Variants in TRDN observed in about 807,000 individuals in gnomAD.
TRDN encodes triadin in skeletal muscle.
A neutral mutation model predicts 149.7 loss-of-function variants in TRDN; 161 were observed. The observed-to-expected ratio is 1.08, with a 90% CI of 0.95 to 1.23. The LOEUF is 1.23. Ranked by LOEUF, TRDN falls within the 50% of genes most tolerant of loss-of-function variation. The pLI is 0.00. For missense variants in TRDN, 896 were observed against 823.5 expected (o/e 1.09, Z -1.08); for synonymous variants, 294 against 250.5 (o/e 1.17, Z -1.64).
intron 38 of TRDN, among the ~76,000 whole-genome samples, chr6:123,225,731 A>C (rs1039360605): frequency 6.6e-6 from 1 of 151,780 alleles, no homozygotes; most frequent in Non-Finnish European, 1.5e-5. Context: ...CTACATTTGA[A>C]CTAAAGCTCA....
chr6:123,612,019 A>C (rs1784839094), intron 1 of TRDN, among the ~76,000 whole-genome samples: 1 of 152,004 alleles, frequency 6.6e-6, no homozygotes, highest in Non-Finnish European at 1.5e-5. Context: ...AAAGCTAAGA[A>C]CGATGTTCAA....
intron 1 of TRDN, among the ~76,000 whole-genome samples, chr6:123,573,932 T>G (rs958744188): frequency 2.6e-5 from 4 of 151,986 alleles, no homozygotes; most frequent in Non-Finnish European, 5.9e-5. Flanking sequence ...AATACTTTAG[T>G]TAATAAAGTC....
chr6:123,316,315 T>C (rs1261272695), intron 24 of TRDN, 142 bp downstream of exon 24: 17 of 770,168 alleles, frequency 2.2e-5, no homozygotes, highest in Middle Eastern at 3.6e-4. Flanking sequence ...TTGTAAAATA[T>C]ATGGCACATA....
chr6:123,382,812 CTAT>C (rs1488537339), intron 14 of TRDN, among the ~76,000 whole-genome samples: 5 of 151,804 alleles, frequency 3.3e-5, no homozygotes, highest in Admixed American at 3.3e-4. Context: ...TTATTATTTT[CTAT>C]TATTTAGGCC....
chr6:123,635,182 A>G (rs76546052), intron 1 of TRDN, among the ~76,000 whole-genome samples: 1,664 of 152,156 alleles, frequency 0.011, 23 homozygotes, highest in African/African-American at 0.037. Flanking sequence ...AAGTTTTTAT[A>G]CATAGCTTTC....
At chr6:123,306,981 G>A (rs1204659531) in intron 24 of TRDN, among the ~76,000 whole-genome samples, 1 of 152,022 alleles carries the variant, frequency 6.6e-6, no homozygotes, top group South Asian at 2.1e-4. Context: ...TAAAAGCATA[G>A]TCATTTTTTG....
At chr6:123,601,070 G>C (rs1431252808) in intron 1 of TRDN, among the ~76,000 whole-genome samples, 1 of 151,990 alleles carries the variant, frequency 6.6e-6, no homozygotes, top group Non-Finnish European at 1.5e-5. Flanking sequence ...AGAAAAAGTA[G>C]ACAATTTATC....
At chr6:123,556,514 A>C (rs2114475575) in intron 2 of TRDN, among the ~76,000 whole-genome samples, 1 of 152,182 alleles carries the variant, frequency 6.6e-6, no homozygotes, top group Middle Eastern at 3.4e-3. Flanking sequence ...ATTTTACAAA[A>C]ATTCTAATTG....
At chr6:123,379,636 T>C (rs1781639213) in intron 16 of TRDN, among the ~76,000 whole-genome samples, 1 of 152,114 alleles carries the variant, frequency 6.6e-6, no homozygotes, top group African/African-American at 2.4e-5. Flanking sequence ...GTCCCCTCAA[T>C]CTTATCAGAA....
chr6:123,245,532 C>T (rs1776140780), intron 38 of TRDN, among the ~76,000 whole-genome samples: 1 of 151,992 alleles, frequency 6.6e-6, no homozygotes, highest in Non-Finnish European at 1.5e-5. Context: ...ATCAATGCAA[C>T]AAGAAGTGCT....
chr6:123,428,077 T>C (rs1202222654), intron 12 of TRDN, among the ~76,000 whole-genome samples: 2 of 152,178 alleles, frequency 1.3e-5, no homozygotes, highest in South Asian at 2.1e-4. Flanking sequence ...AGAGTACTTA[T>C]ATTTCTTTTT....
chr6:123,530,023 T>C (rs897813177), intron 5 of TRDN, among the ~76,000 whole-genome samples: 33 of 152,010 alleles, frequency 2.2e-4, no homozygotes, highest in African/African-American at 7.5e-4. Flanking sequence ...TCACTGTCCA[T>C]CTACCTCTTG....
intron 38 of TRDN, among the ~76,000 whole-genome samples, chr6:123,235,863 C>T (rs1397125335): frequency 6.6e-6 from 1 of 152,160 alleles, no homozygotes; most frequent in Non-Finnish European, 1.5e-5. Context: ...ATAACTGCTG[C>T]ACATATGAAT....
chr6:123,615,613 C>G (rs981761784), intron 1 of TRDN, among the ~76,000 whole-genome samples: 8 of 151,986 alleles, frequency 5.3e-5, no homozygotes, highest in Non-Finnish European at 7.4e-5. Flanking sequence ...TTCACAGCAA[C>G]GTGGATGAGC....
chr6:123,239,893 A>G (rs146150026), intron 38 of TRDN, among the ~76,000 whole-genome samples: 2 of 152,172 alleles, frequency 1.3e-5, no homozygotes, highest in African/African-American at 2.4e-5. Flanking sequence ...ATGTCCATCA[A>G]GAGTAGAACT....
chr6:123,604,188 A>G (rs939018480), intron 1 of TRDN, among the ~76,000 whole-genome samples: 3 of 152,176 alleles, frequency 2.0e-5, no homozygotes, highest in African/African-American at 7.2e-5. Context: ...CAGACAGAGA[A>G]GTGAGCCATA....
chr6:123,615,655 G>T (rs1785046701), intron 1 of TRDN, among the ~76,000 whole-genome samples: 1 of 152,022 alleles, frequency 6.6e-6, no homozygotes, highest in African/African-American at 2.4e-5. Context: ...GACACAAAAA[G>T]ACAAATATTA....
At chr6:123,307,267 AT>A (rs1343091882) in intron 24 of TRDN, among the ~76,000 whole-genome samples, 1 of 151,860 alleles carries the variant, frequency 6.6e-6, no homozygotes, top group Non-Finnish European at 1.5e-5. Context: ...CTCTGGGGAA[AT>A]TTTTTCTTCC....
At chr6:123,269,963 G>A in intron 30 of TRDN, 97 bp from the exon 31 acceptor site, 1 of 1,185,964 alleles carries the variant, frequency 8.4e-7, no homozygotes, top group Non-Finnish European at 1.2e-6. Flanking sequence ...CTTAGTTTTA[G>A]GTCACCTCCT....
Sources: allele counts gnomAD v4.1 joint callset (sites outside exome capture counted in the v4.1 genomes callset), GRCh38; gene constraint gnomAD v4.1.1; transcripts MANE v1.5; gene names NCBI Gene and HGNC (gene_info 2026-07-23, HGNC 2026-07-21).